The following SEC23A variants were observed in gnomAD, a reference collection of about 807,000 sequenced individuals.
SEC23A encodes the protein protein transport protein Sec23A.
In SEC23A, 56 loss-of-function variants were observed where a neutral mutation model predicts 103.7. The observed-to-expected ratio is 0.54, with a 90% CI of 0.44 to 0.67. SEC23A has a LOEUF of 0.67. SEC23A is among the 30% of genes least tolerant of loss of function. The pLI, the probability that SEC23A is intolerant of heterozygous loss-of-function variation, is 0.00. For missense variants in SEC23A, 784 were observed against 936.4 expected (o/e 0.84, Z 2.12); for synonymous variants, 281 against 293.0 (o/e 0.96, Z 0.42).
chr14:39,055,094 T>C (rs376315861), intron 14 of SEC23A, 49 bp downstream of exon 14: 1 of 1,607,532 alleles, frequency 6.2e-7, no homozygotes, highest in African/African-American at 1.3e-5. Flanking sequence ...AAACATTTAC[T>C]ACAAATGAAA....
chr14:39,077,357 T>C (rs938978565), intron 7 of SEC23A, among the ~76,000 whole-genome samples: 8 of 142,938 alleles, frequency 5.6e-5, no homozygotes, highest in African/African-American at 2.1e-4. Context: ...GCCTGGCCAA[T>C]ATGGTGAAAA....
chr14:39,063,438 T>G, intron 11 of SEC23A, 25 bp from the exon 12 acceptor site: 1 of 1,405,328 alleles, frequency 7.1e-7, no homozygotes, highest in Non-Finnish European at 1.0e-6. Flanking sequence ...TATAGCATGT[T>G]TGAAAGCTAG....
Position 39,032,617 on chromosome 14 carries a change from T to C in SEC23A, c.*622A>G, listed in dbSNP as rs920120800. On this transcript the variant is annotated 3_prime_UTR_variant, in exon 20 of 20. Transcript: ENST00000307712. ...TTCACATTTTTTGTCAGCTGCGGGATTGTTACCCAAAAAAACCTTTCATCT... is the reference window on the plus strand; with the variant it reads ...TTCACATTTTTTGTCAGCTGCGGGACTGTTACCCAAAAAAACCTTTCATCT... The C allele has an allele frequency of 3.3e-5, 5 of 152,578 alleles. No individual in the cohort carries two copies. The highest frequency in any genetic ancestry group is 1.2e-4 in the African/African-American group (5 of 41,446). The allele number at this position is 152,578 out of a possible 1,614,324, so 9.5% of individuals were successfully genotyped here. A position where few individuals can be genotyped will look rare whatever the true frequency, so the allele number is the denominator to read the frequency against.
chr14:39,101,928 C>T (rs185603198), intron 1 of SEC23A, among the ~76,000 whole-genome samples: 1 of 152,094 alleles, frequency 6.6e-6, no homozygotes, highest in Non-Finnish European at 1.5e-5. Context: ...TTCTGTAAGT[C>T]AATTAAAAAT....
intron 3 of SEC23A, 66 bp from the exon 4 acceptor site, chr14:39,092,693 A>ATTT: frequency 5.6e-6 from 5 of 895,952 alleles, no homozygotes; most frequent in Non-Finnish European, 8.9e-6. Flanking sequence ...TAAAATTTTA[A>ATTT]ACAAAGTATT....
chr14:39,075,012 C>G (rs922601347), intron 8 of SEC23A, among the ~76,000 whole-genome samples: 21 of 152,026 alleles, frequency 1.4e-4, no homozygotes, highest in African/African-American at 4.4e-4. Context: ...GAGGCTGAGG[C>G]AGGAGAATGG....
intron 14 of SEC23A, among the ~76,000 whole-genome samples, chr14:39,051,420 G>C (rs1044026508): frequency 6.6e-6 from 1 of 152,206 alleles, no homozygotes; most frequent in Non-Finnish European, 1.5e-5. Flanking sequence ...AGAATGTGTA[G>C]ATTAGAAGTA....
intron 19 of SEC23A, 122 bp from the exon 20 acceptor site, chr14:39,033,450 G>C (rs1885368098): frequency 1.4e-6 from 1 of 725,716 alleles, no homozygotes; most frequent in Non-Finnish European, 2.4e-6. Context: ...TAAATAAAAA[G>C]AATCTAACTG....
chr14:39,054,457 A>G (rs1752265343), intron 14 of SEC23A, among the ~76,000 whole-genome samples: 2 of 152,180 alleles, frequency 1.3e-5, no homozygotes, highest in South Asian at 2.1e-4. Context: ...GTTAATATGC[A>G]TAATTTTTCT....
rs1887850220 is a variant in SEC23A at position 39,095,360 on chromosome 14, G to C, written c.221+538C>G. Among the ~76,000 whole-genome samples the C allele has an allele frequency of 2.6e-5, 4 of 151,526 alleles. No individual in the cohort carries two copies. In the South Asian group the frequency reaches 8.4e-4, roughly 32 times the overall value. ...ACCCAGAGTTGGAGTACAGAGGCAC[G>C]ATCTCAGCTCACTGCAACCTCCATC... On this transcript the variant is annotated intron_variant, in intron 2 of 19. Transcript: ENST00000307712.
At chr14:39,048,622 G>GAA in intron 15 of SEC23A, 30 bp downstream of exon 15, 1 of 1,416,248 alleles carries the variant, frequency 7.1e-7, no homozygotes, top group African/African-American at 1.4e-5. Context: ...AAAAAGAAAA[G>GAA]AAAAGAATAT....
chr14:39,081,151 T>G (rs1004445686), intron 7 of SEC23A, among the ~76,000 whole-genome samples: 2 of 151,252 alleles, frequency 1.3e-5, no homozygotes, highest in African/African-American at 2.4e-5. Context: ...GTTGCAGTGC[T>G]GCAGTAAGCT....
At chr14:39,071,813 G>A (rs147061130) in intron 9 of SEC23A, among the ~76,000 whole-genome samples, 278 of 152,172 alleles carry the variant, frequency 1.8e-3, no homozygotes, top group African/African-American at 6.1e-3. Flanking sequence ...GCAGTGAACC[G>A]AGATCACGCC....
chr14:39,095,420 C>T (rs942534342), intron 2 of SEC23A, among the ~76,000 whole-genome samples: 11 of 152,018 alleles, frequency 7.2e-5, no homozygotes, highest in African/African-American at 2.7e-4. Context: ...TCTCAGCCTC[C>T]CGAGTAGCTG....
chr14:39,076,227 A>G (rs1367189998), intron 7 of SEC23A, 134 bp from the exon 8 acceptor site: 1 of 828,680 alleles, frequency 1.2e-6, no homozygotes, highest in Non-Finnish European at 1.8e-6. Context: ...AATGTTTACA[A>G]TGAAATTTAA....
chr14:39,036,747 C>T (rs542607827), intron 19 of SEC23A, among the ~76,000 whole-genome samples: 2 of 152,180 alleles, frequency 1.3e-5, no homozygotes, highest in Admixed American at 1.3e-4. Flanking sequence ...AGTTCTGTGC[C>T]CTTACCGTAA....
At chr14:39,086,159 G>C (rs1394893631) in intron 6 of SEC23A, among the ~76,000 whole-genome samples, 1 of 152,030 alleles carries the variant, frequency 6.6e-6, no homozygotes, top group Admixed American at 6.6e-5. Flanking sequence ...CGCATTCCTA[G>C]GTGACACGTG....
chr14:39,071,624 G>A (rs1039081616), intron 9 of SEC23A, among the ~76,000 whole-genome samples: 11 of 151,970 alleles, frequency 7.2e-5, no homozygotes, highest in Non-Finnish European at 1.3e-4. Flanking sequence ...TAGCACTTTC[G>A]GAGGCCGAGG....
intron 12 of SEC23A, 34 bp downstream of exon 12, chr14:39,063,290 G>C: frequency 7.9e-7 from 1 of 1,262,340 alleles, no homozygotes; most frequent in Non-Finnish European, 1.2e-6. Flanking sequence ...AATGTACGTT[G>C]TACGTTTTGA....
Sources: allele counts gnomAD v4.1 joint callset (sites outside exome capture counted in the v4.1 genomes callset), GRCh38; gene constraint gnomAD v4.1.1; transcripts MANE v1.5; gene names NCBI Gene and HGNC (gene_info 2026-07-23, HGNC 2026-07-21).